SVOP: variants seen among roughly 807,000 people sequenced by gnomAD.
SVOP encodes SV2 related protein, also known as synaptic vesicle 2-related protein.
A neutral mutation model predicts 69.1 loss-of-function variants in SVOP; 17 were observed. The observed-to-expected ratio is 0.25, with a 90% CI of 0.17 to 0.37. SVOP has a LOEUF of 0.37. Among genes scored for constraint, SVOP ranks in the 10% least tolerant of loss-of-function variants. The pLI, the probability that SVOP is intolerant of heterozygous loss-of-function variation, is 1.00. For synonymous variants in SVOP, 238 were observed against 238.6 expected, an observed-to-expected ratio of 1.00 and a Z score of 0.02; for missense variants, 435 against 597.5, an observed-to-expected ratio of 0.73 and a Z score of 2.84.
chr12:108,976,783 T>C (rs542876196), intron 4 of SVOP, among the ~76,000 whole-genome samples: 67 of 152,092 alleles, frequency 4.4e-4, no homozygotes, highest in Non-Finnish European at 6.8e-4. Flanking sequence ...CCCAGCTAAT[T>C]TTTGTATTTT....
intron 1 of SVOP, among the ~76,000 whole-genome samples, chr12:108,993,473 G>C (rs1030575114): frequency 6.6e-6 from 1 of 152,058 alleles, no homozygotes; most frequent in Non-Finnish European, 1.5e-5. Context: ...AAGAGCACCT[G>C]CTTTGTGCCA....
rs192323884 is a variant in SVOP at position 108,912,881 on chromosome 12, C to A, written c.1441-140G>T. 3.3e-5 allele frequency: 30 copies of A among 901,552 alleles called. No individual in the cohort carries two copies. The Admixed American group carries it at 5.1e-4, about 15-fold the overall frequency. 55.8% of individuals were successfully genotyped at this position (901,552 alleles called of 1,614,324 possible). A position where few individuals can be genotyped will look rare whatever the true frequency, so the allele number is the denominator to read the frequency against. On this transcript the variant is annotated intron_variant, in intron 15 of 15. Coordinates refer to ENST00000610966, the MANE Select transcript of SVOP (RefSeq NM_018711.5). ...GGATCTGGTGATTCCCTCCTCTCCC[C>A]CTTTGTCCCTCTCTCTCCTTGTGAC... is the stretch of plus-strand genomic sequence containing the variant.
chr12:108,948,005 C>T (rs1224307113), intron 6 of SVOP, among the ~76,000 whole-genome samples: 1 of 152,146 alleles, frequency 6.6e-6, no homozygotes, highest in African/African-American at 2.4e-5. Context: ...TAGGGATACT[C>T]TTGAGCAACT....
intron 1 of SVOP, among the ~76,000 whole-genome samples, chr12:108,988,680 T>C (rs1051659323): frequency 6.6e-6 from 1 of 152,170 alleles, no homozygotes; most frequent in Non-Finnish European, 1.5e-5. Context: ...TTTTCAAGAT[T>C]GTTTTAGTTA....
At chr12:108,933,379 A>AAAT (rs61668949) in intron 11 of SVOP, among the ~76,000 whole-genome samples, 57,167 of 150,652 alleles carry the variant, frequency 0.38, 11,869 homozygotes, top group African/African-American at 0.53. Context: ...CTTGTCTCAA[A>AAAT]AATAATAATA....
intron 8 of SVOP, among the ~76,000 whole-genome samples, chr12:108,940,115 A>T (rs1208858040): frequency 1.3e-5 from 2 of 152,178 alleles, no homozygotes; most frequent in African/African-American, 2.4e-5. Context: ...TAGTCCTGTG[A>T]TTATTGGGAG....
intron 5 of SVOP, among the ~76,000 whole-genome samples, chr12:108,964,327 T>C (rs1258471795): frequency 6.6e-6 from 1 of 152,160 alleles, no homozygotes; most frequent in Non-Finnish European, 1.5e-5. Context: ...AATCCATGAC[T>C]GTAACATCGG....
rs901788602 is a variant in SVOP, at chr12:109,020,759, C to CCT, written c.35+74_35+75insAG. 8.9e-5 allele frequency: 28 copies of CCT among 314,278 alleles called. 2 individuals are homozygous for CCT. Among genetic ancestry groups the CCT allele is most frequent in the South Asian group, 3.9e-4 (16 of 40,780 alleles). The allele number at this position is 314,278 out of a possible 1,614,324, so 19.5% of individuals were successfully genotyped here. ...AAGAAACCATGCAGAGATGTACCCC[C>CCT]CCCCACCCCCCTTGCAGGTTTTCGT... On this transcript the variant is annotated intron_variant, in intron 1 of 15. Coordinates refer to ENST00000610966, the MANE Select transcript of SVOP (RefSeq NM_018711.5).
intron 4 of SVOP, among the ~76,000 whole-genome samples, 179 bp downstream of exon 4, chr12:108,977,219 G>A (rs2040111385): frequency 3.3e-5 from 5 of 152,232 alleles, no homozygotes; most frequent in Admixed American, 3.3e-4. Context: ...GGACCTCCGG[G>A]TGAAGTAGAG....
chr12:109,015,783 ACT>A (rs1699541631), intron 1 of SVOP, among the ~76,000 whole-genome samples: 1 of 152,156 alleles, frequency 6.6e-6, no homozygotes, highest in Non-Finnish European at 1.5e-5. Flanking sequence ...ACAGAGCGAG[ACT>A]CTGTCTCAAC....
intron 11 of SVOP, among the ~76,000 whole-genome samples, chr12:108,932,360 G>C (rs1229603011): frequency 6.6e-6 from 1 of 151,824 alleles, no homozygotes; most frequent in African/African-American, 2.4e-5. Flanking sequence ...AATACTATTA[G>C]GCCCAGGAGA....
intron 7 of SVOP, among the ~76,000 whole-genome samples, chr12:108,944,681 TTTTAAGGCAGCC>T (rs1420471558): frequency 1.3e-5 from 2 of 151,734 alleles, no homozygotes; most frequent in Non-Finnish European, 2.9e-5. Context: ...ACCACGAAAG[TTTTAAGGCAGCC>T]TATAGGCCAC....
chr12:108,976,139 C>T (rs1389987919), intron 4 of SVOP, among the ~76,000 whole-genome samples: 6 of 152,148 alleles, frequency 3.9e-5, no homozygotes, highest in Admixed American at 2.6e-4. Flanking sequence ...ACTCCCATTT[C>T]GCAGGCCACA....
chr12:109,018,443 T>C (rs544882540), intron 1 of SVOP, among the ~76,000 whole-genome samples: 198 of 152,192 alleles, frequency 1.3e-3, no homozygotes, highest in Non-Finnish European at 2.1e-3. Flanking sequence ...TAGTGGCTTA[T>C]AATCTGCTAA....
chr12:108,941,042 C>T, intron 7 of SVOP, 133 bp from the exon 8 acceptor site: 1 of 1,294,336 alleles, frequency 7.7e-7, no homozygotes, highest in South Asian at 1.5e-5. Context: ...AATAGCCACA[C>T]TTTCCCTGTG....
chr12:109,007,299 A>G (rs2040314185), intron 1 of SVOP, among the ~76,000 whole-genome samples: 1 of 152,190 alleles, frequency 6.6e-6, no homozygotes, highest in Admixed American at 6.5e-5. Context: ...TGCCAAGGTC[A>G]CTAACATATG....
chr12:108,967,230 G>T (rs2137426961), intron 5 of SVOP, among the ~76,000 whole-genome samples: 1 of 151,870 alleles, frequency 6.6e-6, no homozygotes, highest in Middle Eastern at 3.4e-3. Flanking sequence ...GCCAGGCATG[G>T]TGGCTCACAC....
intron 6 of SVOP, among the ~76,000 whole-genome samples, chr12:108,947,624 G>A (rs2137412256): frequency 6.6e-6 from 1 of 152,254 alleles, no homozygotes; most frequent in East Asian, 1.9e-4. Context: ...GGCTGCCTCT[G>A]TCTGCTGCTT....
At chr12:108,936,590 C>T (rs1452907656) in intron 10 of SVOP, among the ~76,000 whole-genome samples, 1 of 152,166 alleles carries the variant, frequency 6.6e-6, no homozygotes, top group Non-Finnish European at 1.5e-5. Flanking sequence ...ATCCTCCCAC[C>T]TCAGCCTCCT....
Sources: allele counts gnomAD v4.1 joint callset (sites outside exome capture counted in the v4.1 genomes callset), GRCh38; gene constraint gnomAD v4.1.1; transcripts MANE v1.5; gene names NCBI Gene and HGNC (gene_info 2026-07-23, HGNC 2026-07-21).